The following COL6A5 variants were observed in gnomAD, a reference collection of about 807,000 sequenced individuals.
The protein encoded by COL6A5 is collagen alpha-5(VI) chain.
In COL6A5, 48 loss-of-function variants were observed where a neutral mutation model predicts 65.6. The observed-to-expected ratio is 0.73, with a 90% CI of 0.58 to 0.93. COL6A5 has a LOEUF of 0.93. COL6A5 is among the 40% of genes least tolerant of loss of function. COL6A5 has a pLI of 0.00. For synonymous variants in COL6A5, 291 were observed against 322.8 expected (o/e 0.90, Z 1.05); for missense variants, 914 against 928.3 (o/e 0.98, Z 0.20).
At chr3:130,392,112 C>T (rs1936424560) in intron 7 of COL6A5, among the ~76,000 whole-genome samples, 1 of 152,156 alleles carries the variant, frequency 6.6e-6, no homozygotes, top group Non-Finnish European at 1.5e-5. Context: ...CTCAATGCAG[C>T]CACTGGACAT....
chr3:130,391,372 A>G (rs1390779112), exon 7 of COL6A5: 4 of 1,551,694 alleles, frequency 2.6e-6, no homozygotes, highest in East Asian at 2.4e-5. Flanking sequence ...ACCTTAATAC[A>G]TACTCGAACA....
At chr3:130,400,743 C>T (rs1321804225) in intron 10 of COL6A5, among the ~76,000 whole-genome samples, 3 of 152,214 alleles carry the variant, frequency 2.0e-5, no homozygotes, top group Non-Finnish European at 2.9e-5. Context: ...ATGTGGAACA[C>T]AGTTTTCTAT....
At chr3:130,448,843 ATT>A (rs1356107869) in intron 4 of COL6A5, among the ~76,000 whole-genome samples, 1 of 152,120 alleles carries the variant, frequency 6.6e-6, no homozygotes, top group Non-Finnish European at 1.5e-5. Context: ...GTAAAAGCAA[ATT>A]TTTCACATTC....
At chr3:130,470,849 A>G in intron 6 of COL6A5, 22 bp from the exon 39 acceptor site, 1 of 1,574,312 alleles carries the variant, frequency 6.4e-7, no homozygotes, top group Admixed American at 1.7e-5. Context: ...AATTTAGACT[A>G]ACCAGCCCAC....
chr3:130,431,862 C>T (rs1285356053), exon 1 of COL6A5: 9 of 1,551,546 alleles, frequency 5.8e-6, no homozygotes, highest in Non-Finnish European at 7.8e-6. Flanking sequence ...GGTCATCCAT[C>T]ATCACGGCCA....
chr3:130,395,218 C>T, exon 8 of COL6A5: 3 of 1,551,656 alleles, frequency 1.9e-6, no homozygotes, highest in Non-Finnish European at 1.7e-6. Flanking sequence ...ATGCTGGTGT[C>T]CCCCAAACTT....
At chr3:130,414,978 G>A (rs534166267) in intron 22 of COL6A5, among the ~76,000 whole-genome samples, 1 of 152,168 alleles carries the variant, frequency 6.6e-6, no homozygotes, top group East Asian at 1.9e-4. Context: ...GCTTTGGGGT[G>A]GATGTGGGGG....
intron 5 of COL6A5, among the ~76,000 whole-genome samples, chr3:130,385,733 G>A (rs1936164604): frequency 6.6e-6 from 1 of 152,028 alleles, no homozygotes; most frequent in African/African-American, 2.4e-5. Context: ...GTTTGTGTGT[G>A]CACAGGTGGG....
At chr3:130,476,618 T>C (rs1710107407) in intron 7 of COL6A5, among the ~76,000 whole-genome samples, 1 of 152,058 alleles carries the variant, frequency 6.6e-6, no homozygotes, top group African/African-American at 2.4e-5. Flanking sequence ...AGCTCTCAGG[T>C]GATTTCAATG....
At chr3:130,388,529 G>T in intron 5 of COL6A5, 51 bp from the exon 6 acceptor site, 1 of 1,396,792 alleles carries the variant, frequency 7.2e-7, no homozygotes, top group Non-Finnish European at 9.5e-7. Flanking sequence ...GTTACTTCAT[G>T]AGAACCTTTC....
rs35177024 is a variant in COL6A5 at position 130,398,128 on chromosome 3, GTTTTTTTTTT to G, written c.3991+28_3991+37del. On this transcript the variant is annotated intron_variant and NMD_transcript_variant, in intron 10 of 41. Coordinates refer to the COL6A5 transcript ENST00000312481. ...GAGAAGCAGGTATTGAGTTGTTGTT[GTTTTTTTTTT>G]TTTTTTTTTTGAGATGGAGTGTCAG... is the stretch of plus-strand genomic sequence containing the variant. The G allele has an allele frequency of 3.3e-6, 3 of 906,624 alleles. No individual in the cohort carries two copies. The highest frequency in any genetic ancestry group is 4.6e-6 in the Non-Finnish European group (3 of 648,686). 56.2% of individuals were successfully genotyped at this position (906,624 alleles called of 1,614,324 possible).
chr3:130,448,607 G>A (rs907861180), intron 4 of COL6A5, among the ~76,000 whole-genome samples: 1 of 152,106 alleles, frequency 6.6e-6, no homozygotes, highest in African/African-American at 2.4e-5. Flanking sequence ...CTGTAACACA[G>A]CGGCTCAAAA....
chr3:130,456,779 G>C (rs539198988), intron 5 of COL6A5, among the ~76,000 whole-genome samples: 2 of 151,996 alleles, frequency 1.3e-5, no homozygotes, highest in Non-Finnish European at 2.9e-5. Context: ...AGAAAAAGGG[G>C]CCAGTTTTGT....
exon 8 of COL6A5, chr3:130,395,314 T>G (rs1577464427): frequency 1.3e-6 from 2 of 1,551,402 alleles, no homozygotes; most frequent in African/African-American, 1.4e-5. Context: ...GTGTCCTGGT[T>G]TTGGGCATAG....
At chr3:130,481,525 T>C (rs1710240213) in intron 7 of COL6A5, among the ~76,000 whole-genome samples, 1 of 152,162 alleles carries the variant, frequency 6.6e-6, no homozygotes, top group Non-Finnish European at 1.5e-5. Flanking sequence ...TGTGTCTTTA[T>C]AGTAGAATGA....
At chr3:130,445,618 C>T (rs1485331028) in intron 4 of COL6A5, among the ~76,000 whole-genome samples, 4 of 152,050 alleles carry the variant, frequency 2.6e-5, no homozygotes, top group Admixed American at 6.6e-5. Flanking sequence ...TGCCAATTTC[C>T]GAAGTTCTGG....
At chr3:130,346,966 T>A (rs912039765) in intron 1 of COL6A5, among the ~76,000 whole-genome samples, 1 of 152,216 alleles carries the variant, frequency 6.6e-6, no homozygotes, top group Non-Finnish European at 1.5e-5. Flanking sequence ...AGATTTCATA[T>A]GAATTAAAGT....
Position 130,484,309 on chromosome 3 carries a change from A to G in COL6A5, c.*268A>G, listed in dbSNP as rs186018229. The G allele has an allele frequency of 3.8e-4, 190 of 499,780 alleles. 1 individual carries two copies. The highest frequency in any genetic ancestry group is 4.3e-4 in the Non-Finnish European group (123 of 285,802). The allele number at this position is 499,780 out of a possible 1,614,324, so 31.0% of individuals were successfully genotyped here. On this transcript the variant is annotated 3_prime_UTR_variant, in exon 8 of 8. Transcript: ENST00000512836. ...TCCTGAGAACTGGGGAAACCGACCT[A>G]TAAGAGTTAACTTTTCTTTGAAAGC... is the stretch of plus-strand genomic sequence containing the variant.
intron 6 of COL6A5, among the ~76,000 whole-genome samples, chr3:130,470,247 T>C (rs978277452): frequency 6.6e-6 from 1 of 152,032 alleles, no homozygotes; most frequent in African/African-American, 2.4e-5. Context: ...TCCAAAACCT[T>C]GTAAGATCAA....
Sources: gnomAD v4.1 joint callset for allele counts (sites outside exome capture counted in the v4.1 genomes callset) on GRCh38, gnomAD v4.1.1 for gene constraint, MANE v1.5 for transcripts, NCBI Gene and HGNC (gene_info 2026-07-23, HGNC 2026-07-21) for gene names.